The following VAT1L variants were observed in gnomAD, a reference collection of about 807,000 sequenced individuals.
VAT1L encodes the protein vesicle amine transport 1 like, also known as putative NADPH-dependent quinone oxidoreductase VAT1L.
A neutral mutation model predicts 44.1 loss-of-function variants in VAT1L; 34 were observed. The observed-to-expected ratio is 0.77, with a 90% confidence interval of 0.59 to 1.03. VAT1L has a LOEUF of 1.03. Among genes scored for constraint, VAT1L ranks in the 50% least tolerant of loss-of-function variants. VAT1L has a pLI of 0.00. For synonymous variants in VAT1L, 253 were observed against 202.2 expected, an observed-to-expected ratio of 1.25 and a Z score of -2.13; for missense variants, 615 against 538.8, an observed-to-expected ratio of 1.14 and a Z score of -1.40.
chr16:77,821,875 G>C (rs2016458825), intron 2 of VAT1L, among the ~76,000 whole-genome samples: 1 of 152,130 alleles, frequency 6.6e-6, no homozygotes, highest in South Asian at 2.1e-4. Flanking sequence ...AAGAACATTT[G>C]AGCTGAGCTT....
chr16:77,886,946 A>T (rs1469367565), intron 7 of VAT1L, among the ~76,000 whole-genome samples: 1 of 152,118 alleles, frequency 6.6e-6, no homozygotes, highest in East Asian at 1.9e-4. Flanking sequence ...TCCTGTGTGT[A>T]TATCTGTATT....
intron 1 of VAT1L, among the ~76,000 whole-genome samples, chr16:77,802,486 G>T (rs2145215913): frequency 6.6e-6 from 1 of 152,082 alleles, no homozygotes; most frequent in Admixed American, 6.6e-5. Flanking sequence ...GTGGTGGCAG[G>T]CGCCTGTAAT....
intron 7 of VAT1L, among the ~76,000 whole-genome samples, chr16:77,933,759 AAAC>A (rs1167678514): frequency 2.6e-5 from 4 of 152,360 alleles, no homozygotes; most frequent in South Asian, 4.1e-4. Context: ...TACATTTAAA[AAAC>A]AACAACAATA....
In VAT1L at chr16:77,873,619, G is replaced by A. The variant is rs78237235; in HGVS notation, c.723-2751G>A. The stretch of plus-strand genomic sequence containing the variant: ...CCAAGGGGCTTAAATTTTGGTGGAA[G>A]AGAAAGTCAATAAATAAATAATTAC... On this transcript the variant is annotated intron_variant, in intron 4 of 8. Transcript: ENST00000302536. Among the ~76,000 whole-genome samples, 137 of 152,282 alleles carry A rather than the reference G, an allele frequency of 9.0e-4. 1 individual carries two copies. The East Asian group carries it at 0.024, about 27-fold the overall frequency.
chr16:77,789,222 A>G (rs1486295368), intron 1 of VAT1L, among the ~76,000 whole-genome samples: 1 of 152,032 alleles, frequency 6.6e-6, no homozygotes, highest in African/African-American at 2.4e-5. Context: ...TGAGAGGACA[A>G]CTCAGCTTTC....
At position 77,975,194 on chromosome 16, in the gene VAT1L, CTTTTTTT is replaced by C. The variant is rs35017686; in HGVS notation, c.1162-2375_1162-2369del. On this transcript the variant is annotated intron_variant, in intron 8 of 8. Transcript: ENST00000302536. Reference sequence around the variant, plus strand: ...GTGCTTTCTCCTACTGGAATGACCACTTTTTTTTTTTTTTTTTTTTTTTTTTTTTTTT... The same window carrying C: ...GTGCTTTCTCCTACTGGAATGACCACTTTTTTTTTTTTTTTTTTTTTTTTT... 6.9e-3 allele frequency among the ~76,000 whole-genome samples: 274 copies of C among 39,854 alleles called. 2 individuals carry two copies. The highest frequency in any genetic ancestry group is 0.025 in the African/African-American group (235 of 9,420). The allele number at this position is 39,854 out of a possible 152,430, so 26.1% of individuals were successfully genotyped here.
chr16:77,894,284 T>G, intron 7 of VAT1L, among the ~76,000 whole-genome samples: 1 of 152,238 alleles, frequency 6.6e-6, no homozygotes, highest in Admixed American at 6.5e-5. Flanking sequence ...CAGCTGCTGC[T>G]GACAAGCCAG....
At chr16:77,813,887 G>A (rs996769392) in intron 1 of VAT1L, among the ~76,000 whole-genome samples, 2 of 152,178 alleles carry the variant, frequency 1.3e-5, no homozygotes, top group Non-Finnish European at 2.9e-5. Flanking sequence ...CTCTGCAAGG[G>A]GGAAGATATA....
intron 7 of VAT1L, among the ~76,000 whole-genome samples, chr16:77,968,881 C>T (rs776788876): frequency 6.6e-5 from 10 of 152,032 alleles, no homozygotes; most frequent in Admixed American, 1.3e-4. Context: ...CACAGTGGCG[C>T]GATTTCAGCT....
intron 7 of VAT1L, among the ~76,000 whole-genome samples, chr16:77,965,153 G>C (rs1470949884): frequency 6.6e-6 from 1 of 152,126 alleles, no homozygotes; most frequent in African/African-American, 2.4e-5. Flanking sequence ...GATTCCCCCA[G>C]GACAGAGAGA....
chr16:77,965,187 C>T (rs184560307), intron 7 of VAT1L, among the ~76,000 whole-genome samples: 5 of 152,256 alleles, frequency 3.3e-5, no homozygotes, highest in East Asian at 3.9e-4. Context: ...AGCCAGCTCC[C>T]GGCCCAGGGC....
At chr16:77,896,502 G>A (rs995268716) in intron 7 of VAT1L, among the ~76,000 whole-genome samples, 20 of 152,204 alleles carry the variant, frequency 1.3e-4, no homozygotes, top group Non-Finnish European at 4.4e-5. Context: ...GACTGACAGA[G>A]AGTAAGTGCT....
chr16:77,878,108 A>G (rs985961343), intron 5 of VAT1L, among the ~76,000 whole-genome samples: 7 of 152,224 alleles, frequency 4.6e-5, no homozygotes, highest in African/African-American at 1.7e-4. Flanking sequence ...TATCTACTTC[A>G]TTACGTTGAT....
intron 7 of VAT1L, among the ~76,000 whole-genome samples, chr16:77,927,729 T>C (rs191922745): frequency 2.3e-3 from 346 of 151,882 alleles, no homozygotes; most frequent in African/African-American, 7.9e-3. Flanking sequence ...ATTAGCCGGG[T>C]GTGGTGGCAC....
chr16:77,840,594 A>G (rs2016694191), intron 3 of VAT1L, among the ~76,000 whole-genome samples: 3 of 152,142 alleles, frequency 2.0e-5, no homozygotes. Context: ...TCCTAGGAAC[A>G]CTCATTTCGT....
rs566849499 is a variant in VAT1L at position 77,967,829 on chromosome 16, G to C, written c.1078-4021G>C. On this transcript the variant is annotated intron_variant, in intron 7 of 8. Coordinates refer to ENST00000302536, the MANE Select transcript of VAT1L (RefSeq NM_020927.3). ...CAGGGTGATAAATAACTGAATGCTG[G>C]AGATCTATGACGTGAGACACTACCT... Among the ~76,000 whole-genome samples, 20 of 152,256 alleles carry C rather than the reference G, an allele frequency of 1.3e-4. No individual in the cohort carries two copies. In the South Asian group the frequency reaches 2.5e-3, roughly 19 times the overall value.
At chr16:77,962,607 G>C (rs387286) in intron 7 of VAT1L, among the ~76,000 whole-genome samples, 51,379 of 151,550 alleles carry the variant, frequency 0.34, 8,838 homozygotes, top group South Asian at 0.45. Flanking sequence ...AATAGGCCGG[G>C]AGCAGTGGCT....
intron 3 of VAT1L, among the ~76,000 whole-genome samples, chr16:77,861,451 AC>A (rs562221149): frequency 1.8e-3 from 275 of 152,346 alleles, no homozygotes; most frequent in African/African-American, 5.6e-3. Flanking sequence ...TTTCCCCTGG[AC>A]CACTTAATAT....
chr16:77,964,779 C>CTTTTTTTTTTTTT lies in VAT1L; in HGVS notation c.1078-7051_1078-7039dup, dbSNP rs10566511. On this transcript the variant is annotated intron_variant, in intron 7 of 8. Transcript: ENST00000302536. The stretch of plus-strand genomic sequence containing the variant: ...AACACTGCTCACGCCCTTTGTAGCA[C>CTTTTTTTTTTTTT]TTTTTTTTTTTTTTTTTTTTTTTTT... Among the ~76,000 whole-genome samples, 66 of 91,874 alleles carry CTTTTTTTTTTTTT rather than the reference C, an allele frequency of 7.2e-4. 1 individual carries two copies. Among genetic ancestry groups the CTTTTTTTTTTTTT allele is most frequent in the Admixed American group, 5.1e-3 (38 of 7,502 alleles). The allele number at this position is 91,874 out of a possible 152,430, so 60.3% of individuals were successfully genotyped here.
Sources: gnomAD v4.1 joint callset for allele counts (sites outside exome capture counted in the v4.1 genomes callset) on GRCh38, gnomAD v4.1.1 for gene constraint, MANE v1.5 for transcripts, NCBI Gene and HGNC (gene_info 2026-07-23, HGNC 2026-07-21) for gene names.